The following FGD4 variants were observed in gnomAD, a reference collection of about 807,000 sequenced individuals.
The protein encoded by FGD4 is FYVE, RhoGEF and PH domain containing 4.
A neutral mutation model predicts 102.0 loss-of-function variants in FGD4; 42 were observed. That is an observed-to-expected ratio of 0.41 (90% CI 0.32 to 0.53). The LOEUF is 0.53. FGD4 is among the 20% of genes least tolerant of loss of function. The pLI is 0.21. For synonymous variants in FGD4, 380 were observed against 375.7 expected, an observed-to-expected ratio of 1.01 and a Z score of -0.13; for missense variants, 902 against 1,078.2, an observed-to-expected ratio of 0.84 and a Z score of 2.29.
Position 32,640,921 on chromosome 12 carries a change from TTGCCA to T in FGD4, c.*389_*393del, listed in dbSNP as rs1450514270. The stretch of plus-strand genomic sequence containing the variant: ...ACAGTTTGAAAGATATACCTCCATG[TTGCCA>T]AAATAGATCCATGGTGAAAAATACA... On this transcript the variant is annotated 3_prime_UTR_variant, in exon 17 of 17. Transcript: ENST00000534526. 1.1e-5 allele frequency: 4 copies of T among 364,562 alleles called. No individual in the cohort carries two copies. Among genetic ancestry groups the T allele is most frequent in the African/African-American group, 8.3e-5 (4 of 47,980 alleles). The allele number at this position is 364,562 out of a possible 1,614,324, so 22.6% of individuals were successfully genotyped here. A position where few individuals can be genotyped will look rare whatever the true frequency, so the allele number is the denominator to read the frequency against.
chr12:32,440,684 G>T (rs969497563), intron 1 of FGD4, among the ~76,000 whole-genome samples: 1 of 152,206 alleles, frequency 6.6e-6, no homozygotes, highest in African/African-American at 2.4e-5. Context: ...TGCTGCCTAT[G>T]TTCGCTCAAG....
At chr12:32,499,038 T>G (rs1350294817) in intron 1 of FGD4, among the ~76,000 whole-genome samples, 1 of 152,166 alleles carries the variant, frequency 6.6e-6, no homozygotes, top group Non-Finnish European at 1.5e-5. Context: ...GGGTAAAACC[T>G]CTTACAAAAG....
At chr12:32,549,356 C>G (rs555290622) in intron 1 of FGD4, among the ~76,000 whole-genome samples, 29 of 152,270 alleles carry the variant, frequency 1.9e-4, no homozygotes, top group African/African-American at 6.0e-4. Context: ...TCGCCTGGCT[C>G]TTAATTCTGG....
rs779877075 is a variant in FGD4, at chr12:32,576,468, T to C, written c.503+19T>C. 4 of 1,613,828 alleles carry C rather than the reference T, an allele frequency of 2.5e-6. No individual in the cohort carries two copies. The highest frequency in any genetic ancestry group is 1.7e-5 in the Admixed American group (1 of 60,000). On this transcript the variant is annotated intron_variant, in intron 3 of 16. Coordinates refer to ENST00000534526, the MANE Select transcript of FGD4 (RefSeq NM_001370298.3). Reference sequence around the variant, plus strand: ...GAGGCAGGTAAGAGCTAATTTACAATGGGAGAAGGCAGGAGAAGAAGAAAG... The same window carrying C: ...GAGGCAGGTAAGAGCTAATTTACAACGGGAGAAGGCAGGAGAAGAAGAAAG...
intron 10 of FGD4, among the ~76,000 whole-genome samples, chr12:32,616,867 G>A (rs1429059203): frequency 1.3e-5 from 2 of 152,122 alleles, no homozygotes; most frequent in Non-Finnish European, 1.5e-5. Flanking sequence ...AATTTATAAA[G>A]AACAGGGGTT....
chr12:32,436,163 T>C (rs1942222742), intron 1 of FGD4, among the ~76,000 whole-genome samples: 2 of 152,154 alleles, frequency 1.3e-5, no homozygotes, highest in Non-Finnish European at 1.5e-5. Flanking sequence ...AAATAAATTA[T>C]GTGGTTGGAC....
At chr12:32,507,748 T>A (rs1024061584) in intron 1 of FGD4, among the ~76,000 whole-genome samples, 1 of 152,190 alleles carries the variant, frequency 6.6e-6, no homozygotes, top group Non-Finnish European at 1.5e-5. Flanking sequence ...GTCACTTAAC[T>A]TCCTTAAACC....
chr12:32,519,730 G>A (rs888710572), intron 1 of FGD4, among the ~76,000 whole-genome samples: 2 of 152,188 alleles, frequency 1.3e-5, no homozygotes, highest in Non-Finnish European at 2.9e-5. Flanking sequence ...TTGAGGTCAG[G>A]AGTTCGAGAC....
chr12:32,417,041 C>A (rs1323236982), intron 1 of FGD4, among the ~76,000 whole-genome samples: 1 of 151,782 alleles, frequency 6.6e-6, no homozygotes, highest in Non-Finnish European at 1.5e-5. Context: ...GGACTACAGG[C>A]GCATGCCACC....
chr12:32,547,737 C>T (rs1943338113), intron 1 of FGD4, among the ~76,000 whole-genome samples: 1 of 152,178 alleles, frequency 6.6e-6, no homozygotes, highest in Non-Finnish European at 1.5e-5. Context: ...GACGGAGTCT[C>T]ACTTTGTTGC....
At chr12:32,402,754 A>T (rs1017671827) in intron 1 of FGD4, among the ~76,000 whole-genome samples, 3 of 127,546 alleles carry the variant, frequency 2.4e-5, no homozygotes, top group Admixed American at 7.6e-5. Context: ...TCGAAAAGTA[A>T]TTATCTTAAT....
chr12:32,526,813 A>T (rs1290678008), intron 1 of FGD4, among the ~76,000 whole-genome samples: 12 of 152,146 alleles, frequency 7.9e-5, no homozygotes, highest in Non-Finnish European at 1.8e-4. Context: ...ACAACTCCAG[A>T]TGCCCCGCCT....
chr12:32,504,017 T>C (rs1938460122), intron 1 of FGD4, among the ~76,000 whole-genome samples: 1 of 152,238 alleles, frequency 6.6e-6, no homozygotes, highest in South Asian at 2.1e-4. Flanking sequence ...GTGAATTTAC[T>C]TACTCTTTTC....
chr12:32,541,899 CAT>C (rs1397347614), intron 1 of FGD4, among the ~76,000 whole-genome samples: 2 of 152,092 alleles, frequency 1.3e-5, no homozygotes, highest in Non-Finnish European at 2.9e-5. Flanking sequence ...TCAAAATAAT[CAT>C]GTCAAAAATT....
intron 1 of FGD4, among the ~76,000 whole-genome samples, chr12:32,525,473 C>T (rs1330903655): frequency 6.6e-6 from 1 of 152,254 alleles, no homozygotes; most frequent in African/African-American, 2.4e-5. Context: ...TGATGTGTAG[C>T]TGTAGTTCAT....
At chr12:32,548,263 T>C (rs11052064) in intron 1 of FGD4, among the ~76,000 whole-genome samples, 5,143 of 152,228 alleles carry the variant, frequency 0.034, 135 homozygotes, top group Non-Finnish European at 0.055. Flanking sequence ...AGATCTTCAA[T>C]GTGAAGTCAA....
intron 1 of FGD4, among the ~76,000 whole-genome samples, chr12:32,471,537 A>G (rs1353089576): frequency 3.3e-5 from 5 of 152,242 alleles, no homozygotes; most frequent in Admixed American, 3.3e-4. Context: ...ACATCTCTTC[A>G]GAAGCCTACC....
At chr12:32,558,444 C>G (rs180964508) in intron 1 of FGD4, among the ~76,000 whole-genome samples, 1 of 152,058 alleles carries the variant, frequency 6.6e-6, no homozygotes, top group Non-Finnish European at 1.5e-5. Flanking sequence ...TAAGCAAGAC[C>G]GTATAAAGCT....
intron 1 of FGD4, among the ~76,000 whole-genome samples, chr12:32,500,779 A>G (rs887503100): frequency 1.1e-4 from 16 of 152,150 alleles, no homozygotes; most frequent in African/African-American, 3.1e-4. Flanking sequence ...TTGTGTATAC[A>G]TTAATATTTG....
Sources: allele counts gnomAD v4.1 joint callset (sites outside exome capture counted in the v4.1 genomes callset), GRCh38; gene constraint gnomAD v4.1.1; transcripts MANE v1.5; gene names NCBI Gene and HGNC (gene_info 2026-07-23, HGNC 2026-07-21).